Variants in TYR observed in about 807,000 individuals in gnomAD.
TYR encodes tyrosinase, also known as LB24-AB.
In TYR, 58 loss-of-function variants were observed where a neutral mutation model predicts 51.5. That is an observed-to-expected ratio of 1.13 (90% CI 0.91 to 1.40). The LOEUF is 1.40. TYR is among the 40% of genes most tolerant of loss of function. The probability of loss-of-function intolerance (pLI) is 0.00; values close to 1 mark genes in which losing one functional copy is unlikely to be tolerated. For missense variants in TYR, 732 were observed against 647.4 expected (o/e 1.13, Z -1.42); for synonymous variants, 263 against 235.2 (o/e 1.12, Z -1.08).
At chr11:89,270,228 C>A (rs895544345) in intron 3 of TYR, among the ~76,000 whole-genome samples, 6 of 151,842 alleles carry the variant, frequency 4.0e-5, no homozygotes, top group African/African-American at 1.4e-4. Context: ...CATGCTTGTG[C>A]TTTACTCCTA....
intron 2 of TYR, among the ~76,000 whole-genome samples, chr11:89,204,821 A>C (rs1425334662): frequency 6.7e-6 from 1 of 150,158 alleles, no homozygotes; most frequent in African/African-American, 2.5e-5. Context: ...TACATCCTTG[A>C]ATTAAAAAAA....
chr11:89,181,653 A>G (rs1018648908), intron 1 of TYR, among the ~76,000 whole-genome samples: 8 of 152,034 alleles, frequency 5.3e-5, no homozygotes, highest in African/African-American at 1.9e-4. Flanking sequence ...GATTTGAGAG[A>G]TTTGATAGCA....
At chr11:89,191,179 T>C in intron 1 of TYR, 23 bp from the exon 2 acceptor site, 1 of 1,610,402 alleles carries the variant, frequency 6.2e-7, no homozygotes, top group Non-Finnish European at 8.5e-7. Flanking sequence ...ACAATTTGTT[T>C]AACATGAGGG....
chr11:89,220,965 C>A (rs1943904029), intron 2 of TYR, among the ~76,000 whole-genome samples: 1 of 152,050 alleles, frequency 6.6e-6, no homozygotes, highest in African/African-American at 2.4e-5. Context: ...TAGAGAAGCC[C>A]ACTTAAAATA....
At chr11:89,268,746 T>TG (rs1944554318) in intron 3 of TYR, among the ~76,000 whole-genome samples, 1 of 151,942 alleles carries the variant, frequency 6.6e-6, no homozygotes, top group South Asian at 2.1e-4. Flanking sequence ...CACCCTGATA[T>TG]GCATAAGGCC....
chr11:89,188,615 A>G lies in TYR; in HGVS notation c.820-2587A>G, dbSNP rs1943405656. 2.0e-5 allele frequency among the ~76,000 whole-genome samples: 3 copies of G among 152,246 alleles called. No homozygotes were observed. The South Asian group carries it at 6.2e-4, about 32-fold the overall frequency. ...ACTGCTGAACATTCTAATATTGAGA[A>G]GGGTTACACACTTTGAACTTTTGCT... On this transcript the variant is annotated intron_variant, in intron 1 of 4. Coordinates refer to ENST00000263321, the MANE Select transcript of TYR (RefSeq NM_000372.5).
intron 2 of TYR, among the ~76,000 whole-genome samples, chr11:89,202,644 C>CACACACACACACACAT (rs1325924792): frequency 1.3e-5 from 2 of 151,862 alleles, no homozygotes; most frequent in African/African-American, 4.8e-5. Flanking sequence ...CACACACACA[C>CACACACACACACACAT]ACACACTGTA....
chr11:89,190,597 A>G (rs985689098), intron 1 of TYR, among the ~76,000 whole-genome samples: 17 of 152,254 alleles, frequency 1.1e-4, no homozygotes, highest in Admixed American at 1.1e-3. Context: ...AGGTGAATTT[A>G]TCATTAAAAA....
chr11:89,273,588 G>A (rs1345164754), intron 3 of TYR, among the ~76,000 whole-genome samples: 5 of 151,858 alleles, frequency 3.3e-5, no homozygotes, highest in African/African-American at 7.2e-5. Context: ...GACATGACAC[G>A]AACACATGCT....
intron 3 of TYR, among the ~76,000 whole-genome samples, chr11:89,249,331 A>G (rs1321554736): frequency 6.6e-6 from 1 of 152,026 alleles, no homozygotes; most frequent in Admixed American, 6.6e-5. Context: ...AACACAGAAG[A>G]AAAGGAAGCA....
At chr11:89,181,674 C>T (rs1943301396) in intron 1 of TYR, among the ~76,000 whole-genome samples, 1 of 152,150 alleles carries the variant, frequency 6.6e-6, no homozygotes, top group African/African-American at 2.4e-5. Context: ...TTTATTAACT[C>T]TGAGCTGAGA....
chr11:89,193,412 C>A (rs1164458705), intron 2 of TYR, among the ~76,000 whole-genome samples: 3 of 152,066 alleles, frequency 2.0e-5, no homozygotes, highest in Non-Finnish European at 2.9e-5. Flanking sequence ...GAGGAGGGAA[C>A]AGCAGATTTA....
At chr11:89,197,026 A>G (rs1943528721) in intron 2 of TYR, among the ~76,000 whole-genome samples, 1 of 152,214 alleles carries the variant, frequency 6.6e-6, no homozygotes, top group Non-Finnish European at 1.5e-5. Context: ...GTAGGAACCC[A>G]GATACACCAG....
intron 3 of TYR, among the ~76,000 whole-genome samples, chr11:89,256,621 G>A (rs1020433129): frequency 5.3e-5 from 8 of 151,792 alleles, no homozygotes; most frequent in Non-Finnish European, 2.9e-5. Context: ...AAATTCAAAA[G>A]TGGAAAAAAA....
intron 3 of TYR, among the ~76,000 whole-genome samples, chr11:89,253,159 C>G (rs112719070): frequency 6.6e-6 from 1 of 151,672 alleles, no homozygotes; most frequent in Non-Finnish European, 1.5e-5. Flanking sequence ...AATGAAAGAT[C>G]CTTTCACTTT....
At chr11:89,244,040 T>G (rs1023972042) in intron 3 of TYR, among the ~76,000 whole-genome samples, 2 of 152,156 alleles carry the variant, frequency 1.3e-5, no homozygotes. Flanking sequence ...ATTTCCTTTG[T>G]GTTTTACAAA....
intron 1 of TYR, among the ~76,000 whole-genome samples, chr11:89,182,812 C>T (rs577136812): frequency 2.6e-5 from 4 of 152,114 alleles, no homozygotes; most frequent in African/African-American, 9.6e-5. Flanking sequence ...AACAGATCAG[C>T]TAGCTACAAA....
chr11:89,229,066 A>G (rs1565405513), intron 3 of TYR, among the ~76,000 whole-genome samples: 1 of 152,070 alleles, frequency 6.6e-6, no homozygotes, highest in African/African-American at 2.4e-5. Flanking sequence ...TTTTAAAGAT[A>G]AGGAAACTGA....
At chr11:89,191,797 G>T (rs1006677590) in intron 2 of TYR, among the ~76,000 whole-genome samples, 3 of 152,128 alleles carry the variant, frequency 2.0e-5, no homozygotes, top group Non-Finnish European at 2.9e-5. Flanking sequence ...AGCAGCAGTA[G>T]CAGCTTTAGT....
Sources: allele counts gnomAD v4.1 joint callset (sites outside exome capture counted in the v4.1 genomes callset), GRCh38; gene constraint gnomAD v4.1.1; transcripts MANE v1.5; gene names NCBI Gene and HGNC (gene_info 2026-07-23, HGNC 2026-07-21).